FANCD2: variants seen among roughly 807,000 people sequenced by gnomAD.
FANCD2 encodes the protein FA complementation group D2.
Under a neutral mutation model 192.3 loss-of-function variants are expected in FANCD2, and 131 were observed. That is an observed-to-expected ratio of 0.68 (90% confidence interval 0.59 to 0.79). The LOEUF is 0.79. FANCD2 is among the 30% of genes least tolerant of loss of function. The pLI is 0.00. For missense variants in FANCD2, 1,508 were observed against 1,701.6 expected (o/e 0.89, Z 2.00); for synonymous variants, 524 against 612.5 (o/e 0.86, Z 2.13).
chr3:10,045,088 G>GTTTT (rs76340293), intron 14 of FANCD2, among the ~76,000 whole-genome samples: 3 of 128,938 alleles, frequency 2.3e-5, no homozygotes, highest in Admixed American at 7.5e-5. Flanking sequence ...CTTTTTAACT[G>GTTTT]TTTTTTTTTT....
At chr3:10,056,410 G>C (rs937756542) in intron 18 of FANCD2, among the ~76,000 whole-genome samples, 1 of 152,068 alleles carries the variant, frequency 6.6e-6, no homozygotes, top group Non-Finnish European at 1.5e-5. Context: ...GCTTTCCATA[G>C]CAGCTGCATA....
intron 26 of FANCD2, among the ~76,000 whole-genome samples, chr3:10,072,264 A>G (rs1258790752): frequency 6.6e-6 from 1 of 150,672 alleles, no homozygotes; most frequent in Non-Finnish European, 1.5e-5. Flanking sequence ...CGCCATAAAT[A>G]TATATATACC....
At chr3:10,078,242 G>C in intron 30 of FANCD2, 45 bp downstream of exon 30, 1 of 1,261,118 alleles carries the variant, frequency 7.9e-7, no homozygotes, top group Non-Finnish European at 1.2e-6. Context: ...GTGGATTTGG[G>C]AACAAAGGAG....
intron 10 of FANCD2, 64 bp from the exon 11 acceptor site, chr3:10,042,495 G>A: frequency 8.2e-7 from 1 of 1,217,584 alleles, no homozygotes; most frequent in Non-Finnish European, 1.2e-6. Flanking sequence ...TTATCTAACA[G>A]TTCAGTACAA....
At chr3:10,063,585 A>G (rs2087628453) in intron 20 of FANCD2, among the ~76,000 whole-genome samples, 1 of 152,248 alleles carries the variant, frequency 6.6e-6, no homozygotes, top group Non-Finnish European at 1.5e-5. Flanking sequence ...CTTTAGAAAA[A>G]TTAATCTGGC....
chr3:10,080,543 G>A (rs1371875386), intron 30 of FANCD2, among the ~76,000 whole-genome samples: 1 of 152,206 alleles, frequency 6.6e-6, no homozygotes, highest in Non-Finnish European at 1.5e-5. Context: ...GTCCAAGATG[G>A]GTGGATTGCT....
chr3:10,036,959 A>G (rs2086746374), intron 7 of FANCD2, among the ~76,000 whole-genome samples: 1 of 151,086 alleles, frequency 6.6e-6, no homozygotes, highest in Non-Finnish European at 1.5e-5. Context: ...CCTCAGCATC[A>G]TGAGTGCCTG....
rs1351931352 is a variant in FANCD2 at position 10,059,763 on chromosome 3, G to A, written c.1657-531G>A. On this transcript the variant is annotated intron_variant, in intron 18 of 43. Transcript: ENST00000675286. ...GGAGCTAGCAGTGAGCCAAGATGGC[G>A]CCACTGCACTCTAGCCTGGGTGACA... is the stretch of plus-strand genomic sequence containing the variant. 2.0e-5 allele frequency among the ~76,000 whole-genome samples: 3 copies of A among 151,540 alleles called. 1 individual carries two copies. The highest frequency in any genetic ancestry group is 4.2e-4 in the South Asian group (2 of 4,796).
chr3:10,051,666 G>C (rs1216094898), intron 17 of FANCD2, among the ~76,000 whole-genome samples: 1 of 152,268 alleles, frequency 6.6e-6, no homozygotes, highest in East Asian at 1.9e-4. Flanking sequence ...ATATTTTTTA[G>C]ATGAGGAGGT....
intron 9 of FANCD2, 110 bp from the exon 10 acceptor site, chr3:10,041,513 C>T (rs889418158): frequency 1.2e-6 from 1 of 813,418 alleles, no homozygotes; most frequent in African/African-American, 1.7e-5. Flanking sequence ...TTAATGGCAA[C>T]TAAGTATGTC....
intron 2 of FANCD2, among the ~76,000 whole-genome samples, chr3:10,030,874 G>A (rs943510511): frequency 1.3e-5 from 2 of 151,530 alleles, no homozygotes; most frequent in African/African-American, 4.9e-5. Flanking sequence ...CCCTTCAGCC[G>A]GGGCAACAGA....
chr3:10,082,534 ATTCCAC>A (rs1433842646), intron 32 of FANCD2, among the ~76,000 whole-genome samples: 1 of 152,216 alleles, frequency 6.6e-6, no homozygotes, highest in East Asian at 1.9e-4. Flanking sequence ...GACTCCTGCT[ATTCCAC>A]TTATTATGTT....
At chr3:10,055,082 T>G (rs900888126) in intron 18 of FANCD2, among the ~76,000 whole-genome samples, 2 of 152,210 alleles carry the variant, frequency 1.3e-5, no homozygotes, top group African/African-American at 4.8e-5. Context: ...GCTTTTGCAT[T>G]TAGCAGTTTA....
At position 10,042,590 on chromosome 3, in the gene FANCD2, C is replaced by G. The variant is rs2086892852; in HGVS notation, c.815C>G (p.Ser272Cys). 1 of 1,613,876 alleles carries G rather than the reference C, an allele frequency of 6.2e-7. No homozygotes were observed. Among genetic ancestry groups the G allele is most frequent in the Non-Finnish European group, 8.5e-7 (1 of 1,179,960 alleles). ...CAGTTGGTGATGGATAAGTTGTCGTCTATTAGATTGGAGGATTTACCTGTG... is the reference window on the plus strand; with the variant it reads ...CAGTTGGTGATGGATAAGTTGTCGTGTATTAGATTGGAGGATTTACCTGTG... ...VRQLVMDKLS[S>C]IRLEDLPVII... The change falls in exon 11 of 44, where the codon TCT becomes TGT. Residue 272 changes from serine to cysteine, a missense_variant. By Grantham distance (112) the Ser-to-Cys change is moderately radical (BLOSUM62 -1). This residue lies in a region of FANCD2 where 435 missense variants were observed against 421.9 expected (regional missense o/e 1.03). Transcript: ENST00000675286.
chr3:10,094,482 G>A, intron 40 of FANCD2, 119 bp downstream of exon 40: 1 of 856,746 alleles, frequency 1.2e-6, no homozygotes, highest in Non-Finnish European at 2.0e-6. Context: ...GTCCACTTCA[G>A]CTGTAGCCAG....
At chr3:10,040,372 G>A (rs2086836539) in intron 9 of FANCD2, 1 of 411,938 alleles carries the variant, frequency 2.4e-6, no homozygotes, top group Non-Finnish European at 4.8e-6. Context: ...CCTGTTATGA[G>A]CGTGAAGTCT....
intron 15 of FANCD2, among the ~76,000 whole-genome samples, chr3:10,047,476 T>TGGTA (rs2087055696): frequency 6.6e-6 from 1 of 152,312 alleles, no homozygotes; most frequent in African/African-American, 2.4e-5. Flanking sequence ...ATTGAATTAT[T>TGGTA]GGTAGGTTAT....
rs2086891418 is a variant in FANCD2, at chr3:10,042,544, G to A, written c.784-15G>A. ...ACATGAAAACCTATTAAGTTTCTGT[G>A]CTTTTAATTTTTAGGTTCGCCAGTT... On this transcript the variant is annotated splice_polypyrimidine_tract_variant and intron_variant, in intron 10 of 43. Transcript: ENST00000675286. 1.3e-6 allele frequency: 2 copies of A among 1,599,362 alleles called. No individual in the cohort carries two copies. The highest frequency in any genetic ancestry group is 1.7e-6 in the Non-Finnish European group (2 of 1,166,646).
Position 10,094,362 on chromosome 3 carries a change from G to C in FANCD2, c.3962G>C (p.Arg1321Pro), listed in dbSNP as rs147205530. The C allele has an allele frequency of 8.3e-5, 134 of 1,612,508 alleles. No homozygotes were observed. The Admixed American group carries it at 1.8e-3, about 21-fold the overall frequency. ...CTAGACTTCAGTTTTAGAAAACACC[G>C]GGTAAGAGCTAAGAGCAGAGAACAA... ...PLLDFSFRKHREDVLSLLETF... is the reference protein window; with the variant it reads ...PLLDFSFRKHPEDVLSLLETF... The change falls in exon 40 of 44, where the codon CGG (arginine) becomes CCG (proline). Residue 1321 changes from arginine (R) to proline (P), a missense_variant and splice_region_variant. Around this residue, in one of 5 missense-constraint regions of FANCD2, gnomAD observed 796 missense variants for 879.4 expected, o/e 0.91. Transcript: ENST00000675286.
Sources: gnomAD v4.1 joint callset for allele counts (sites outside exome capture counted in the v4.1 genomes callset) on GRCh38, gnomAD v4.1.1 for gene constraint, gnomAD v4.1.1 regional missense constraint, MANE v1.5 for transcripts, NCBI Gene and HGNC (gene_info 2026-07-23, HGNC 2026-07-21) for gene names.